Variants in NBEA observed in about 807,000 individuals in gnomAD.
NBEA encodes the protein neurobeachin.
In NBEA, 44 loss-of-function variants were observed where a neutral mutation model predicts 343.4. The ratio of observed to expected loss-of-function variants is 0.13; its 90% CI spans 0.10 to 0.16. The LOEUF (loss-of-function observed/expected upper bound fraction) is 0.16, where lower values mean the gene tolerates loss of function less well. NBEA is among the 10% of genes least tolerant of loss of function. The pLI is 1.00. For missense variants in NBEA, 2,555 were observed against 3,631.3 expected (o/e 0.70, Z 7.62); for synonymous variants, 1,175 against 1,238.7 (o/e 0.95, Z 1.08).
intron 51 of NBEA, among the ~76,000 whole-genome samples, chr13:35,646,696 A>G (rs2084251559): frequency 1.3e-5 from 2 of 152,222 alleles, no homozygotes; most frequent in Admixed American, 6.5e-5. Context: ...TGCAGACACA[A>G]TATGATATTG....
At chr13:35,309,157 A>G (rs142791489) in intron 35 of NBEA, among the ~76,000 whole-genome samples, 40 of 152,136 alleles carry the variant, frequency 2.6e-4, no homozygotes, top group Non-Finnish European at 5.2e-4. Context: ...TAAAATTTCT[A>G]TATGAGGAGC....
At chr13:35,087,892 G>A (rs1263242195) in intron 10 of NBEA, among the ~76,000 whole-genome samples, 2 of 151,860 alleles carry the variant, frequency 1.3e-5, no homozygotes, top group South Asian at 2.1e-4. Context: ...GAAGTAGGAG[G>A]TTTGTTAAAC....
intron 1 of NBEA, among the ~76,000 whole-genome samples, chr13:34,992,925 C>T (rs2060814323): frequency 6.6e-6 from 1 of 151,188 alleles, no homozygotes; most frequent in Admixed American, 6.6e-5. Context: ...CCTTGTGATC[C>T]ACCCGCTTTG....
At chr13:35,621,378 G>A (rs2082983626) in intron 48 of NBEA, among the ~76,000 whole-genome samples, 1 of 151,928 alleles carries the variant, frequency 6.6e-6, no homozygotes, top group South Asian at 2.1e-4. Flanking sequence ...CTTCACTGGG[G>A]TCCTTAATTG....
chr13:35,165,775 C>G (rs945009387), intron 24 of NBEA, among the ~76,000 whole-genome samples: 3 of 151,406 alleles, frequency 2.0e-5, no homozygotes, highest in Admixed American at 6.6e-5. Flanking sequence ...ACCTCCGCCT[C>G]CTGGGTTCAA....
chr13:35,661,059 G>C lies in NBEA; in HGVS notation c.8363-4026G>C, dbSNP rs184686315. Among the ~76,000 whole-genome samples, 41 of 152,286 alleles carry C rather than the reference G, an allele frequency of 2.7e-4. No homozygotes were observed. The East Asian group carries it at 7.1e-3, about 27-fold the overall frequency. The stretch of plus-strand genomic sequence containing the variant: ...AGTAGACTTTCCAGGGTTCCAGACT[G>C]AGAAGGGAGCTGCTTGCTACTCGGC... On this transcript the variant is annotated intron_variant, in intron 55 of 58. Coordinates refer to ENST00000379939, the MANE Select transcript of NBEA (RefSeq NM_001385012.1).
intron 38 of NBEA, among the ~76,000 whole-genome samples, chr13:35,424,549 G>A (rs961728738): frequency 6.6e-6 from 1 of 152,158 alleles, no homozygotes; most frequent in Non-Finnish European, 1.5e-5. Context: ...GATTCGGTTT[G>A]CCAGTATTTT....
intron 17 of NBEA, among the ~76,000 whole-genome samples, chr13:35,128,676 C>T (rs975276818): frequency 2.6e-5 from 4 of 152,088 alleles, no homozygotes; most frequent in South Asian, 2.1e-4. Flanking sequence ...GACCTTGACT[C>T]TGTGGGTAGT....
chr13:35,445,485 A>G (rs1480269025), intron 39 of NBEA, among the ~76,000 whole-genome samples: 2 of 151,894 alleles, frequency 1.3e-5, no homozygotes, highest in African/African-American at 4.8e-5. Flanking sequence ...ATTGGTCTGA[A>G]TTTTTTTAAT....
intron 36 of NBEA, among the ~76,000 whole-genome samples, chr13:35,312,813 G>A (rs568767412): frequency 6.6e-6 from 1 of 152,314 alleles, no homozygotes; most frequent in Admixed American, 6.5e-5. Flanking sequence ...ATAGTTTACA[G>A]TATAAGTATA....
At chr13:35,148,160 A>C (rs1424628452) in intron 18 of NBEA, among the ~76,000 whole-genome samples, 1 of 152,200 alleles carries the variant, frequency 6.6e-6, no homozygotes, top group Non-Finnish European at 1.5e-5. Context: ...GAGTTCAAGG[A>C]TGAGTCACAA....
chr13:35,156,456 T>G (rs1479698490), intron 20 of NBEA, among the ~76,000 whole-genome samples: 1 of 152,180 alleles, frequency 6.6e-6, no homozygotes, highest in African/African-American at 2.4e-5. Flanking sequence ...AAACTCTTAT[T>G]TAGAATGTAA....
chr13:35,414,662 G>C (rs1414818013), intron 38 of NBEA, among the ~76,000 whole-genome samples: 1 of 152,090 alleles, frequency 6.6e-6, no homozygotes. Flanking sequence ...CCAAGTCTTT[G>C]CTATTGTGAA....
chr13:35,336,309 C>A (rs1357020885), intron 36 of NBEA, among the ~76,000 whole-genome samples: 2 of 152,012 alleles, frequency 1.3e-5, no homozygotes, highest in African/African-American at 4.8e-5. Context: ...CAGCAAAAAA[C>A]CAAATCAATA....
At position 35,487,994 on chromosome 13, in the gene NBEA, C is replaced by T. The variant is rs117055300; in HGVS notation, c.6585+15458C>T. On this transcript the variant is annotated intron_variant, in intron 41 of 58. Coordinates refer to ENST00000379939, the MANE Select transcript of NBEA (RefSeq NM_001385012.1). ...AGCTTTTTGGGCATATCCATACCCA[C>T]GCAGATAAATGCTGTATGTCAACAA... 2.8e-3 allele frequency among the ~76,000 whole-genome samples: 432 copies of T among 151,894 alleles called. 1 individual carries two copies. The highest frequency in any genetic ancestry group is 4.6e-3 in the South Asian group (22 of 4,814).
At chr13:35,417,391 C>A (rs1383122159) in intron 38 of NBEA, among the ~76,000 whole-genome samples, 1 of 152,202 alleles carries the variant, frequency 6.6e-6, no homozygotes, top group Admixed American at 6.5e-5. Flanking sequence ...AAATTTCCCT[C>A]TACACACCGC....
intron 38 of NBEA, among the ~76,000 whole-genome samples, chr13:35,358,649 C>A (rs1237785199): frequency 6.6e-6 from 1 of 151,584 alleles, no homozygotes; most frequent in East Asian, 2.0e-4. Context: ...ACCTGGGAGG[C>A]AGAGGTTGCA....
At chr13:35,137,669 A>C (rs1462734233) in intron 17 of NBEA, among the ~76,000 whole-genome samples, 2 of 151,982 alleles carry the variant, frequency 1.3e-5, no homozygotes, top group Admixed American at 1.3e-4. Context: ...TCTCCATAAA[A>C]AGATATCTAA....
At chr13:35,365,226 G>A (rs2041033058) in intron 38 of NBEA, among the ~76,000 whole-genome samples, 1 of 151,644 alleles carries the variant, frequency 6.6e-6, no homozygotes. Flanking sequence ...ACATAGATTA[G>A]AATTACATGA....
Sources: allele counts gnomAD v4.1 joint callset (sites outside exome capture counted in the v4.1 genomes callset), GRCh38; gene constraint gnomAD v4.1.1; transcripts MANE v1.5; gene names NCBI Gene and HGNC (gene_info 2026-07-23, HGNC 2026-07-21).